PPARGC1A: variants seen among roughly 807,000 people sequenced by gnomAD.
PPARGC1A encodes peroxisome proliferator-activated receptor gamma coactivator 1-alpha.
In PPARGC1A, 25 loss-of-function variants were observed where a neutral mutation model predicts 88.7. The observed-to-expected ratio is 0.28, with a 90% CI of 0.21 to 0.39. PPARGC1A has a LOEUF of 0.39. Among genes scored for constraint, PPARGC1A ranks in the 10% least tolerant of loss-of-function variants. PPARGC1A has a pLI of 1.00. For synonymous variants in PPARGC1A, 363 were observed against 355.6 expected, an observed-to-expected ratio of 1.02 and a Z score of -0.24; for missense variants, 880 against 968.7, an observed-to-expected ratio of 0.91 and a Z score of 1.22.
At chr4:24,112,538 G>T in the PPARGC1A span, among the ~76,000 whole-genome samples, 15 of 152,296 alleles carry the variant, frequency 9.8e-5, no homozygotes, top group Admixed American at 8.5e-4. Context: ...ACACCTAGGA[G>T]TTATTTATGT....
chr4:24,082,789 G>C, the PPARGC1A span, among the ~76,000 whole-genome samples: 1 of 152,058 alleles, frequency 6.6e-6, no homozygotes, highest in Non-Finnish European at 1.5e-5. Flanking sequence ...AGAAAGAGTT[G>C]GAGGAGGGAA....
At chr4:23,995,381 T>A in the PPARGC1A span, among the ~76,000 whole-genome samples, 3 of 152,200 alleles carry the variant, frequency 2.0e-5, no homozygotes, top group Admixed American at 1.3e-4. Flanking sequence ...TACAGTTTCC[T>A]CTCTGACCTC....
the PPARGC1A span, among the ~76,000 whole-genome samples, chr4:23,938,669 G>A: frequency 1.3e-5 from 2 of 152,126 alleles, no homozygotes; most frequent in Non-Finnish European, 2.9e-5. Context: ...CAAATGGAGT[G>A]GTAGCACCAT....
chr4:24,326,818 CCTTA>C, the PPARGC1A span, among the ~76,000 whole-genome samples: 1 of 152,174 alleles, frequency 6.6e-6, no homozygotes, highest in Non-Finnish European at 1.5e-5. Context: ...AACAACTTGA[CCTTA>C]CTGTTTTAGC....
At chr4:23,932,024 G>C in the PPARGC1A span, among the ~76,000 whole-genome samples, 5 of 152,188 alleles carry the variant, frequency 3.3e-5, no homozygotes, top group African/African-American at 1.2e-4. Context: ...CAGGCACATG[G>C]TAGTTATACA....
At chr4:23,979,168 A>G in the PPARGC1A span, among the ~76,000 whole-genome samples, 1 of 152,206 alleles carries the variant, frequency 6.6e-6, no homozygotes, top group East Asian at 1.9e-4. Flanking sequence ...GAACACTAGC[A>G]CCATTTTTTT....
chr4:23,997,772 G>A, the PPARGC1A span, among the ~76,000 whole-genome samples: 2 of 152,022 alleles, frequency 1.3e-5, no homozygotes, highest in Admixed American at 6.6e-5. Flanking sequence ...GATTACAGGC[G>A]TGAGCCACCG....
chr4:24,468,458 T>C, the PPARGC1A span, among the ~76,000 whole-genome samples: 3 of 152,196 alleles, frequency 2.0e-5, no homozygotes, highest in Non-Finnish European at 4.4e-5. Context: ...TGCTATGATA[T>C]GTTTTGCACA....
At chr4:24,229,152 C>CTTT in the PPARGC1A span, among the ~76,000 whole-genome samples, 17 of 60,920 alleles carry the variant, frequency 2.8e-4, 1 homozygote, top group Non-Finnish European at 3.8e-4. Context: ...GTATCTGGAC[C>CTTT]TTTTTTTTTT....
intron 2 of PPARGC1A, among the ~76,000 whole-genome samples, chr4:23,845,691 T>G (rs1160609285): frequency 6.6e-6 from 1 of 152,148 alleles, no homozygotes; most frequent in East Asian, 1.9e-4. Flanking sequence ...TTGACTAACT[T>G]TCGTATTCCA....
At chr4:24,050,406 C>T in the PPARGC1A span, among the ~76,000 whole-genome samples, 1 of 151,922 alleles carries the variant, frequency 6.6e-6, no homozygotes, top group African/African-American at 2.4e-5. Context: ...TCATGTTGGT[C>T]AGGGTGGTCT....
the PPARGC1A span, among the ~76,000 whole-genome samples, chr4:24,018,260 T>C: frequency 6.6e-6 from 1 of 152,164 alleles, no homozygotes; most frequent in Non-Finnish European, 1.5e-5. Context: ...CTATTCTCAG[T>C]TCTTCTTGCT....
At chr4:23,892,526 A>C (rs1175960168), upstream of PPARGC1A, among the ~76,000 whole-genome samples, 1 of 150,244 alleles carries the variant, frequency 6.7e-6, no homozygotes, top group Non-Finnish European at 1.5e-5. Flanking sequence ...CTTCAGATTA[A>C]ATTTTTTCTT....
At chr4:24,050,914 G>A in the PPARGC1A span, among the ~76,000 whole-genome samples, 2,977 of 152,196 alleles carry the variant, frequency 0.02, 53 homozygotes, top group Middle Eastern at 0.048. Context: ...TGGGCCGGGC[G>A]CAGTGGCTCA....
Position 23,814,045 on chromosome 4 carries a change from T to G in PPARGC1A, c.1438A>C (p.Lys480Gln), listed in dbSNP as rs370216387. ...TCACTGTCCCTCAGTTCACCGGTCT[T>G]GTCTGCTTCGTCGTCAAAAACAGCT... ...SQAVFDDEAD[K>Q]TGELRDSDFS... is the part of the protein sequence containing the mutation. The change falls in exon 8 of 13, where the codon AAG becomes CAG. Residue 480 changes from lysine (K) to glutamine (Q), a missense_variant. By Grantham distance (53) the Lys-to-Gln change is moderately conservative. Transcript: ENST00000264867. 1 of 1,614,052 alleles carries G rather than the reference T, an allele frequency of 6.2e-7. No individual in the cohort carries two copies. Among genetic ancestry groups the G allele is most frequent in the East Asian group, 2.2e-5 (1 of 44,854 alleles).
the PPARGC1A span, among the ~76,000 whole-genome samples, chr4:24,296,105 T>TACATATATACACACATACATATATAC: frequency 6.6e-6 from 1 of 150,580 alleles, no homozygotes; most frequent in South Asian, 2.1e-4. Context: ...TACATATATA[T>TACATATATACACACATACATATATAC]GTACATATAT....
the PPARGC1A span, among the ~76,000 whole-genome samples, chr4:24,182,092 A>T: frequency 6.6e-6 from 1 of 151,936 alleles, no homozygotes; most frequent in African/African-American, 2.4e-5. Context: ...TCATCCCGTC[A>T]TATAGGTTTT....
At chr4:23,993,421 C>T in the PPARGC1A span, among the ~76,000 whole-genome samples, 2 of 152,058 alleles carry the variant, frequency 1.3e-5, no homozygotes, top group Non-Finnish European at 2.9e-5. Context: ...ATCTAATGAT[C>T]CCACATCAGA....
the PPARGC1A span, among the ~76,000 whole-genome samples, chr4:24,253,888 C>G: frequency 6.6e-6 from 1 of 152,192 alleles, no homozygotes; most frequent in Non-Finnish European, 1.5e-5. Flanking sequence ...TGTATGGAAT[C>G]CACGCTATGT....
Sources: allele counts gnomAD v4.1 joint callset (sites outside exome capture counted in the v4.1 genomes callset), GRCh38; gene constraint gnomAD v4.1.1; transcripts MANE v1.5; gene names NCBI Gene and HGNC (gene_info 2026-07-23, HGNC 2026-07-21).